The following TMEM67 variants were observed in gnomAD, a reference collection of about 807,000 sequenced individuals.
TMEM67 encodes the protein transmembrane protein 67, also known as meckelin.
Under a neutral mutation model 136.6 loss-of-function variants are expected in TMEM67, and 124 were observed. The ratio of observed to expected loss-of-function variants is 0.91; its 90% CI spans 0.78 to 1.05. The LOEUF (loss-of-function observed/expected upper bound fraction) is 1.05. Ranked by LOEUF, TMEM67 falls within the 50% of genes least tolerant of loss-of-function variation. TMEM67 has a pLI of 0.00. For missense variants in TMEM67, 1,107 were observed against 1,178.4 expected (o/e 0.94, Z 0.89); for synonymous variants, 364 against 390.5 (o/e 0.93, Z 0.80).
In TMEM67 at chr8:93,781,189, T is replaced by C. The variant is rs369953146; in HGVS notation, c.978+207T>C. Among the ~76,000 whole-genome samples the C allele has an allele frequency of 5.3e-5, 8 of 152,244 alleles. No homozygotes were observed. In the East Asian group the frequency reaches 9.6e-4, roughly 18 times the overall value. ...TGGATACTTCTGGATTGTGTGGTTA[T>C]GGCAAGAAGTTGTACTTGTAGGGTT... is the stretch of plus-strand genomic sequence containing the variant. On this transcript the variant is annotated intron_variant, in intron 9 of 27. Transcript: ENST00000453321.
chr8:93,825,281 G>T, the TMEM67 span, among the ~76,000 whole-genome samples: 1 of 152,158 alleles, frequency 6.6e-6, no homozygotes, highest in Non-Finnish European at 1.5e-5. Flanking sequence ...GAGAGCTGGC[G>T]CAAGGACAGT....
chr8:93,814,528 A>C (rs570097302), intron 26 of TMEM67, among the ~76,000 whole-genome samples: 2 of 150,780 alleles, frequency 1.3e-5, no homozygotes, highest in Admixed American at 6.7e-5. Context: ...TGGTGCAATC[A>C]TATTAATAGC....
Position 93,786,128 on chromosome 8 carries a change from T to TCAGG in TMEM67, c.1289-94_1289-93insAGGC. 8.9e-6 allele frequency: 11 copies of TCAGG among 1,240,274 alleles called. No homozygotes were observed. In the South Asian group the frequency reaches 1.4e-4, roughly 16 times the overall value. The allele number at this position is 1,240,274 out of a possible 1,614,324, so 76.8% of individuals were successfully genotyped here. A position where few individuals can be genotyped will look rare whatever the true frequency, so the allele number is the denominator to read the frequency against. ...TTAGAGAACGCCATTGTCAGGTGTT[T>TCAGG]CTTATACTAGTAGCTTTTTGCAGCC... is the stretch of plus-strand genomic sequence containing the variant. On this transcript the variant is annotated intron_variant, in intron 12 of 27. Transcript: ENST00000453321.
chr8:93,819,631 G>A (rs930476504), downstream of TMEM67, among the ~76,000 whole-genome samples: 1 of 152,106 alleles, frequency 6.6e-6, no homozygotes, highest in Non-Finnish European at 1.5e-5. Flanking sequence ...GGTCATCAGG[G>A]CTTTGACCTC....
intron 7 of TMEM67, among the ~76,000 whole-genome samples, chr8:93,776,151 T>C (rs1277788963): frequency 6.6e-6 from 1 of 152,146 alleles, no homozygotes; most frequent in Non-Finnish European, 1.5e-5. Context: ...TTGGCTCTCT[T>C]TTTGTCTGTT....
At position 93,782,311 on chromosome 8, in the gene TMEM67, A is replaced by G. The variant is rs375914582; in HGVS notation, c.1066-84A>G. On this transcript the variant is annotated intron_variant, in intron 10 of 27. Coordinates refer to ENST00000453321, the MANE Select transcript of TMEM67 (RefSeq NM_153704.6). Reference sequence around the variant, plus strand: ...ATTAAATAAGTATTATGTAGAGCATATATCCATGTTCGGGTTTGAGAACTC... The same window carrying G: ...ATTAAATAAGTATTATGTAGAGCATGTATCCATGTTCGGGTTTGAGAACTC... 35 of 952,782 alleles carry G rather than the reference A, an allele frequency of 3.7e-5. 2 individuals carry two copies. The highest frequency in any genetic ancestry group is 2.6e-4 in the African/African-American group (16 of 61,886). 59.0% of individuals were successfully genotyped at this position (952,782 alleles called of 1,614,324 possible). A position where few individuals can be genotyped will look rare whatever the true frequency, so the allele number is the denominator to read the frequency against.
In TMEM67 at chr8:93,755,166, A is replaced by G. The variant is rs761028521; in HGVS notation, c.223+29A>G. ...AGACGGTTTGCGGTGGGCCCTGGCA[A>G]AAGTAACACTCCCGCCTTGGTCGGC... On this transcript the variant is annotated intron_variant, in intron 1 of 27. Coordinates refer to ENST00000453321, the MANE Select transcript of TMEM67 (RefSeq NM_153704.6). 10 of 1,592,276 alleles carry G rather than the reference A, an allele frequency of 6.3e-6. No homozygotes were observed. The South Asian group carries it at 9.9e-5, about 16-fold the overall frequency.
the TMEM67 span, among the ~76,000 whole-genome samples, chr8:93,831,554 G>A: frequency 1.3e-5 from 2 of 152,168 alleles, no homozygotes; most frequent in African/African-American, 2.4e-5. Flanking sequence ...ACCCTGTCAT[G>A]TAATATCCAA....
intron 23 of TMEM67, among the ~76,000 whole-genome samples, chr8:93,808,356 A>G (rs1424546272): frequency 7.4e-5 from 9 of 121,560 alleles, no homozygotes; most frequent in Non-Finnish European, 1.4e-4. Context: ...TATTTATTAT[A>G]GATATATATT....
rs746273119 is a variant in TMEM67 at position 93,816,504 on chromosome 8, T to A, written c.*52T>A. 3.0e-6 allele frequency: 3 copies of A among 997,120 alleles called. No homozygotes were observed. The highest frequency in any genetic ancestry group is 4.7e-6 in the Non-Finnish European group (3 of 632,640). The allele number at this position is 997,120 out of a possible 1,614,324, so 61.8% of individuals were successfully genotyped here. On this transcript the variant is annotated 3_prime_UTR_variant, in exon 28 of 28. Transcript: ENST00000453321. ...CAGTATAATCATGGCCAAAAAAAAG[T>A]CATGATATCAGGTTAGTTTGCCATA...
At chr8:93,783,349 T>G (rs532693413) in intron 11 of TMEM67, among the ~76,000 whole-genome samples, 1 of 152,312 alleles carries the variant, frequency 6.6e-6, no homozygotes, top group East Asian at 1.9e-4. Context: ...CTTCTAGGCT[T>G]ATAGGTCTTA....
intron 3 of TMEM67, chr8:93,763,150 G>A: frequency 4.1e-6 from 1 of 242,478 alleles, no homozygotes; most frequent in Non-Finnish European, 8.4e-6. Flanking sequence ...GGCTGGTCTT[G>A]AACTCCTGGC....
intron 7 of TMEM67, among the ~76,000 whole-genome samples, chr8:93,777,552 A>G (rs199981695): frequency 3.3e-5 from 5 of 152,086 alleles, no homozygotes; most frequent in African/African-American, 9.7e-5. Flanking sequence ...GGTACATTGT[A>G]TCTTTGTTCT....
At chr8:93,828,736 C>T in the TMEM67 span, among the ~76,000 whole-genome samples, 1 of 136,682 alleles carries the variant, frequency 7.3e-6, no homozygotes, top group African/African-American at 2.9e-5. Flanking sequence ...CAGAGTAAGA[C>T]TGTCTCAAAA....
chr8:93,789,129 T>C (rs1404959823), intron 14 of TMEM67, among the ~76,000 whole-genome samples: 1 of 152,232 alleles, frequency 6.6e-6, no homozygotes, highest in Non-Finnish European at 1.5e-5. Context: ...GAATTTCTAC[T>C]ATTTTACTTC....
chr8:93,776,767 A>T (rs1038941042), intron 7 of TMEM67, among the ~76,000 whole-genome samples: 1 of 152,208 alleles, frequency 6.6e-6, no homozygotes, highest in African/African-American at 2.4e-5. Flanking sequence ...TATTTTATTG[A>T]GGATTTTTGC....
chr8:93,828,015 A>G, the TMEM67 span, among the ~76,000 whole-genome samples: 1 of 152,160 alleles, frequency 6.6e-6, no homozygotes, highest in Non-Finnish European at 1.5e-5. Context: ...GAGGATGCAC[A>G]GCAGGCAGGT....
In TMEM67 at chr8:93,814,412, C is replaced by CT. The variant is rs756690084; in HGVS notation, c.2765-878dup. Among the ~76,000 whole-genome samples the CT allele has an allele frequency of 7.4e-3, 948 of 128,642 alleles. 7 individuals carry two copies. Among genetic ancestry groups the CT allele is most frequent in the South Asian group, 0.047 (190 of 4,086 alleles). 84.4% of individuals were successfully genotyped at this position (128,642 alleles called of 152,430 possible). A position where few individuals can be genotyped will look rare whatever the true frequency, so the allele number is the denominator to read the frequency against. On this transcript the variant is annotated intron_variant, in intron 26 of 27. Transcript: ENST00000453321. ...CCTCGGCCTCCCAAGTTTATGTATA[C>CT]TTTTTTTTTTTTTTTCCTAATGGAA...
chr8:93,799,113 T>C (rs1011448258), intron 20 of TMEM67, among the ~76,000 whole-genome samples: 1 of 152,170 alleles, frequency 6.6e-6, no homozygotes, highest in African/African-American at 2.4e-5. Flanking sequence ...GCCTTTATTC[T>C]ACAAGGGTGG....
Sources: allele counts gnomAD v4.1 joint callset (sites outside exome capture counted in the v4.1 genomes callset), GRCh38; gene constraint gnomAD v4.1.1; transcripts MANE v1.5; gene names NCBI Gene and HGNC (gene_info 2026-07-23, HGNC 2026-07-21).